Variants in EYA4 observed in about 807,000 individuals in gnomAD.
EYA4 encodes the protein EYA transcriptional coactivator and phosphatase 4.
Under a neutral mutation model 87.9 loss-of-function variants are expected in EYA4, and 31 were observed. The observed-to-expected ratio is 0.35, with a 90% CI of 0.27 to 0.48. The LOEUF (loss-of-function observed/expected upper bound fraction) is 0.48, where lower values mean the gene tolerates loss of function less well. EYA4 is among the 20% of genes least tolerant of loss of function. EYA4 has a pLI of 0.99. For synonymous variants in EYA4, 263 were observed against 270.6 expected (o/e 0.97, Z 0.28); for missense variants, 678 against 761.4 (o/e 0.89, Z 1.29).
At chr6:133,287,883 C>G (rs1355631222) in intron 2 of EYA4, among the ~76,000 whole-genome samples, 1 of 151,976 alleles carries the variant, frequency 6.6e-6, no homozygotes, top group Non-Finnish European at 1.5e-5. Context: ...GCCTGTAATC[C>G]CAGCACTTTG....
chr6:133,309,685 T>C (rs1780069809), intron 2 of EYA4, among the ~76,000 whole-genome samples: 1 of 152,186 alleles, frequency 6.6e-6, no homozygotes, highest in African/African-American at 2.4e-5. Context: ...CCAACATGCC[T>C]CCTTATTTGA....
At position 133,422,378 on chromosome 6, in the gene EYA4, G is replaced by A. The variant is rs916862910; in HGVS notation, c.84-24252G>A. ...AATCCACATAAATATAAAATTGTAT[G>A]CATAATGCTGTGACATTTAAAAATC... On this transcript the variant is annotated intron_variant, in intron 3 of 19. Transcript: ENST00000355286. 3.9e-5 allele frequency among the ~76,000 whole-genome samples: 6 copies of A among 152,138 alleles called. No individual in the cohort carries two copies. In the East Asian group the frequency reaches 9.6e-4, roughly 24 times the overall value.
At chr6:133,448,246 G>C (rs1436571138) in intron 5 of EYA4, 67 bp downstream of exon 5, 9 of 1,137,564 alleles carry the variant, frequency 7.9e-6, no homozygotes, top group Non-Finnish European at 1.2e-5. Flanking sequence ...ATTGCTGTCT[G>C]TTGCTATGTC....
At chr6:133,501,342 C>T (rs558273684) in intron 13 of EYA4, among the ~76,000 whole-genome samples, 144 of 152,048 alleles carry the variant, frequency 9.5e-4, no homozygotes, top group Non-Finnish European at 1.7e-3. Context: ...CATAAAGGTA[C>T]GGGCTTTGCT....
intron 2 of EYA4, among the ~76,000 whole-genome samples, chr6:133,322,388 T>C (rs1424355303): frequency 6.6e-6 from 1 of 152,230 alleles, no homozygotes; most frequent in Non-Finnish European, 1.5e-5. Flanking sequence ...TTTTTATTGA[T>C]GTCTGTATGC....
At chr6:133,406,760 A>C (rs1788743826) in intron 3 of EYA4, among the ~76,000 whole-genome samples, 1 of 152,206 alleles carries the variant, frequency 6.6e-6, no homozygotes, top group Non-Finnish European at 1.5e-5. Flanking sequence ...TTCCAAGTGT[A>C]CTATGCGATT....
intron 2 of EYA4, among the ~76,000 whole-genome samples, chr6:133,310,514 C>T (rs930226269): frequency 5.9e-5 from 9 of 151,986 alleles, no homozygotes; most frequent in Admixed American, 3.3e-4. Flanking sequence ...TATTAATTGC[C>T]ATTGTAAAGA....
chr6:133,525,136 A>G lies in EYA4; in HGVS notation c.1739-18A>G. On this transcript the variant is annotated intron_variant, in intron 18 of 19. Transcript: ENST00000355286. ...ACCAGGTAACTTCACTCTGAACTTT[A>G]TCTCATTTATCTTCCAGGAAAAGAA... is the stretch of plus-strand genomic sequence containing the variant. 6.2e-7 allele frequency: 1 copy of G among 1,613,690 alleles called. No individual in the cohort carries two copies. Among genetic ancestry groups the G allele is most frequent in the South Asian group, 1.1e-5 (1 of 91,080 alleles).
At chr6:133,361,376 G>A (rs1273952664) in intron 2 of EYA4, among the ~76,000 whole-genome samples, 3 of 152,180 alleles carry the variant, frequency 2.0e-5, no homozygotes, top group African/African-American at 7.2e-5. Context: ...ACAATCAATT[G>A]CATGTACAGG....
chr6:133,303,823 C>T (rs1164848625), intron 2 of EYA4, among the ~76,000 whole-genome samples: 2 of 152,192 alleles, frequency 1.3e-5, no homozygotes, highest in Non-Finnish European at 2.9e-5. Context: ...AGTGGTATCT[C>T]ATGTGCCATG....
intron 3 of EYA4, among the ~76,000 whole-genome samples, chr6:133,430,225 T>C (rs1791069136): frequency 6.6e-6 from 1 of 152,230 alleles, no homozygotes; most frequent in South Asian, 2.1e-4. Flanking sequence ...AATCATGTCC[T>C]TTTCAGAAAT....
At chr6:133,312,213 G>A (rs924307010) in intron 2 of EYA4, among the ~76,000 whole-genome samples, 18 of 152,210 alleles carry the variant, frequency 1.2e-4, no homozygotes, top group Admixed American at 2.0e-4. Flanking sequence ...GAGCATTGGC[G>A]GTTACCTGCT....
chr6:133,302,717 C>G (rs542068870), intron 2 of EYA4, among the ~76,000 whole-genome samples: 1 of 152,068 alleles, frequency 6.6e-6, no homozygotes, highest in Non-Finnish European at 1.5e-5. Flanking sequence ...GATCTTAAAT[C>G]TTCATGAACA....
At chr6:133,438,781 G>A (rs567774900) in intron 3 of EYA4, among the ~76,000 whole-genome samples, 3 of 151,956 alleles carry the variant, frequency 2.0e-5, no homozygotes, top group Admixed American at 6.6e-5. Context: ...GGTGGCTCAC[G>A]CCTGTAATCC....
chr6:133,404,914 A>C (rs1788574283), intron 3 of EYA4, among the ~76,000 whole-genome samples: 1 of 152,112 alleles, frequency 6.6e-6, no homozygotes, highest in South Asian at 2.1e-4. Flanking sequence ...AACATCTACG[A>C]TTTCATTCTA....
intron 2 of EYA4, among the ~76,000 whole-genome samples, chr6:133,340,441 A>G (rs1427199277): frequency 6.6e-6 from 1 of 152,236 alleles, no homozygotes; most frequent in Non-Finnish European, 1.5e-5. Context: ...GGCATGTCAG[A>G]TGATGATAAG....
intron 2 of EYA4, among the ~76,000 whole-genome samples, chr6:133,364,884 C>G (rs1459504248): frequency 6.6e-6 from 1 of 152,224 alleles, no homozygotes; most frequent in Admixed American, 6.5e-5. Context: ...GTTAATAAGA[C>G]AGTTGGGTCA....
At chr6:133,500,223 T>A (rs1225873988) in intron 13 of EYA4, among the ~76,000 whole-genome samples, 2 of 151,864 alleles carry the variant, frequency 1.3e-5, no homozygotes, top group African/African-American at 4.8e-5. Context: ...CCTCAGATAA[T>A]CCGATTTAGT....
chr6:133,403,910 A>G (rs2128520893), intron 3 of EYA4, among the ~76,000 whole-genome samples: 1 of 152,180 alleles, frequency 6.6e-6, no homozygotes. Flanking sequence ...CCCAGAGTTC[A>G]AGCAATTCTC....
Sources: gnomAD v4.1 joint callset for allele counts (sites outside exome capture counted in the v4.1 genomes callset) on GRCh38, gnomAD v4.1.1 for gene constraint, MANE v1.5 for transcripts, NCBI Gene and HGNC (gene_info 2026-07-23, HGNC 2026-07-21) for gene names.